ZNF521: variants seen among roughly 807,000 people sequenced by gnomAD.
ZNF521 encodes LYST-interacting protein 3.
ZNF521 carries 14 observed loss-of-function variants against 105.5 expected under a neutral mutation model. The observed-to-expected ratio is 0.13, with a 90% CI of 0.09 to 0.21. The LOEUF (loss-of-function observed/expected upper bound fraction) is 0.21, where lower values mean the gene tolerates loss of function less well. Ranked by LOEUF, ZNF521 falls within the 10% of genes least tolerant of loss-of-function variation. The pLI, the probability that ZNF521 is intolerant of heterozygous loss-of-function variation, is 1.00. For synonymous variants in ZNF521, 635 were observed against 606.0 expected (o/e 1.05, Z -0.70); for missense variants, 1,233 against 1,629.7 (o/e 0.76, Z 4.19).
intron 2 of ZNF521, among the ~76,000 whole-genome samples, chr18:25,340,226 G>A (rs960904545): frequency 2.6e-5 from 4 of 152,002 alleles, no homozygotes; most frequent in Admixed American, 1.3e-4. Context: ...GTGATGGTGC[G>A]CACCTATACT....
intron 3 of ZNF521, among the ~76,000 whole-genome samples, chr18:25,303,293 TGTGTGTGTGTGTGTGTGAGAGA>T (rs1911751178): frequency 8.0e-5 from 9 of 112,974 alleles, no homozygotes; most frequent in African/African-American, 2.6e-4. Flanking sequence ...TGTGTGTGTG[TGTGTGTGTGTGTGTGTGAGAGA>T]GAGACGGAGT....
intron 5 of ZNF521, among the ~76,000 whole-genome samples, chr18:25,106,327 A>G (rs1403381058): frequency 6.6e-6 from 1 of 152,182 alleles, no homozygotes; most frequent in Non-Finnish European, 1.5e-5. Context: ...GGAAAATACC[A>G]GGAAAACCAT....
intron 5 of ZNF521, among the ~76,000 whole-genome samples, chr18:25,147,813 A>G (rs2034972709): frequency 6.6e-6 from 1 of 152,202 alleles, no homozygotes; most frequent in Non-Finnish European, 1.5e-5. Flanking sequence ...TTTCGTGCAG[A>G]AAGAATTTTT....
At chr18:25,313,873 T>G (rs1237897293) in intron 3 of ZNF521, among the ~76,000 whole-genome samples, 1 of 152,132 alleles carries the variant, frequency 6.6e-6, no homozygotes, top group African/African-American at 2.4e-5. Flanking sequence ...AACTGCATTT[T>G]GGGGGCTTAG....
chr18:25,148,314 G>C (rs1352421690), intron 5 of ZNF521, among the ~76,000 whole-genome samples: 5 of 152,154 alleles, frequency 3.3e-5, no homozygotes, highest in African/African-American at 1.2e-4. Context: ...ATTGAGTATA[G>C]ATACGAGGCT....
chr18:25,082,058 C>T (rs943046135), intron 7 of ZNF521, among the ~76,000 whole-genome samples: 5 of 152,042 alleles, frequency 3.3e-5, no homozygotes, highest in African/African-American at 9.7e-5. Context: ...CCTGGAGATC[C>T]GATCAAATAA....
chr18:25,346,235 GT>G lies in ZNF521; in HGVS notation c.40+4671del, dbSNP rs1220598038. On this transcript the variant is annotated intron_variant, in intron 2 of 7. Transcript: ENST00000361524. ...TCAAAACTCAATCTTTACTGATGAGGTTTTTTTTTGTCTAAGAAATGAAACA... is the reference window on the plus strand; with the variant it reads ...TCAAAACTCAATCTTTACTGATGAGGTTTTTTTTGTCTAAGAAATGAAACA... Among the ~76,000 whole-genome samples the G allele has an allele frequency of 5.3e-5, 8 of 149,838 alleles. No individual in the cohort carries two copies. The South Asian group carries it at 6.4e-4, about 12-fold the overall frequency.
At chr18:25,166,945 A>G (rs1337928865) in intron 5 of ZNF521, among the ~76,000 whole-genome samples, 1 of 152,228 alleles carries the variant, frequency 6.6e-6, no homozygotes, top group Non-Finnish European at 1.5e-5. Flanking sequence ...GTGTTGGAAA[A>G]TAATGATTAC....
At position 25,350,891 on chromosome 18, in the gene ZNF521, G is replaced by T. The variant is rs998592654; in HGVS notation, c.40+16C>A. On this transcript the variant is annotated intron_variant, in intron 2 of 7. Transcript: ENST00000361524. ...CGCGGATGGGGGAAAGCGGGGAGCA[G>T]GGGGTTCCTCCTTACCTTTGAGGGA... The T allele has an allele frequency of 1.9e-6, 3 of 1,547,834 alleles. No individual in the cohort carries two copies. Among genetic ancestry groups the T allele is most frequent in the Non-Finnish European group, 2.6e-6 (3 of 1,145,160 alleles).
intron 4 of ZNF521, among the ~76,000 whole-genome samples, chr18:25,216,654 G>A (rs1905343768): frequency 6.6e-6 from 1 of 152,126 alleles, no homozygotes; most frequent in Non-Finnish European, 1.5e-5. Context: ...GAGCTCCTGG[G>A]CTCATGCAAT....
intron 2 of ZNF521, among the ~76,000 whole-genome samples, chr18:25,334,786 A>G (rs1003155172): frequency 6.6e-6 from 1 of 152,184 alleles, no homozygotes; most frequent in Non-Finnish European, 1.5e-5. Context: ...AGGTAAACAT[A>G]AAGAGGATAA....
At chr18:25,267,185 C>A (rs1909327372) in intron 3 of ZNF521, among the ~76,000 whole-genome samples, 1 of 152,194 alleles carries the variant, frequency 6.6e-6, no homozygotes, top group South Asian at 2.1e-4. Flanking sequence ...ACGGAGCCCA[C>A]CGCAGCTCAG....
At chr18:25,107,781 C>T (rs1207297489) in intron 5 of ZNF521, among the ~76,000 whole-genome samples, 2 of 152,212 alleles carry the variant, frequency 1.3e-5, no homozygotes, top group African/African-American at 2.4e-5. Flanking sequence ...TCCCCTATCT[C>T]GCCTCTCCTT....
rs1460123954 is a variant in ZNF521, at chr18:25,347,604, T to G, written c.40+3303A>C. 2.0e-5 allele frequency among the ~76,000 whole-genome samples: 3 copies of G among 152,210 alleles called. No individual in the cohort carries two copies. In the East Asian group the frequency reaches 5.8e-4, roughly 29 times the overall value. ...TCAGGAGATGGATTCTTAGGACAAT[T>G]ACACTGAAGTTTCCTACAAACAAAA... is the stretch of plus-strand genomic sequence containing the variant. On this transcript the variant is annotated intron_variant, in intron 2 of 7. Transcript: ENST00000361524.
intron 4 of ZNF521, among the ~76,000 whole-genome samples, chr18:25,210,514 C>A (rs959942087): frequency 2.0e-5 from 3 of 152,128 alleles, no homozygotes; most frequent in African/African-American, 7.2e-5. Flanking sequence ...TATAGGACTT[C>A]GCCTGCCACT....
At chr18:25,349,829 G>C (rs1429804272) in intron 2 of ZNF521, among the ~76,000 whole-genome samples, 4 of 150,090 alleles carry the variant, frequency 2.7e-5, no homozygotes, top group Non-Finnish European at 5.9e-5. Flanking sequence ...CTCCGCCTCC[G>C]GGTCGCGGGG....
chr18:25,248,021 A>G (rs533408242), intron 3 of ZNF521, among the ~76,000 whole-genome samples: 17 of 152,314 alleles, frequency 1.1e-4, no homozygotes, highest in African/African-American at 4.1e-4. Context: ...GGTTTACTGC[A>G]AATATTTGCA....
chr18:25,158,340 A>G (rs1447701066), intron 5 of ZNF521, among the ~76,000 whole-genome samples: 1 of 152,062 alleles, frequency 6.6e-6, no homozygotes, highest in East Asian at 1.9e-4. Context: ...ACTTGAAGAA[A>G]ACATTCCAAA....
At chr18:25,344,698 C>G (rs1914385084) in intron 2 of ZNF521, among the ~76,000 whole-genome samples, 1 of 151,870 alleles carries the variant, frequency 6.6e-6, no homozygotes, top group South Asian at 2.1e-4. Context: ...CAAAAGCATT[C>G]TTTCACATCT....
Sources: allele counts gnomAD v4.1 joint callset (sites outside exome capture counted in the v4.1 genomes callset), GRCh38; gene constraint gnomAD v4.1.1; transcripts MANE v1.5; gene names NCBI Gene and HGNC (gene_info 2026-07-23, HGNC 2026-07-21).